GRIN2A: variants seen among roughly 807,000 people sequenced by gnomAD.
The protein encoded by GRIN2A is glutamate ionotropic receptor NMDA type subunit 2A, also known as glutamate receptor ionotropic, NMDA 2A.
A neutral mutation model predicts 113.4 loss-of-function variants in GRIN2A; 22 were observed. That is an observed-to-expected ratio of 0.19 (90% confidence interval 0.14 to 0.28). The LOEUF is 0.28. Among genes scored for constraint, GRIN2A ranks in the 10% least tolerant of loss-of-function variants. The pLI is 1.00. For missense variants in GRIN2A, 1,502 were observed against 1,887.0 expected (o/e 0.80, Z 3.78); for synonymous variants, 827 against 738.4 (o/e 1.12, Z -1.94).
At chr16:9,829,351 G>C (rs2042445111) in intron 9 of GRIN2A, 72 bp downstream of exon 9, 1 of 950,546 alleles carries the variant, frequency 1.1e-6, no homozygotes. Context: ...AGAGGCACCT[G>C]AATCTCTTCC....
At chr16:10,039,468 T>C (rs2047100895) in intron 2 of GRIN2A, among the ~76,000 whole-genome samples, 1 of 152,118 alleles carries the variant, frequency 6.6e-6, no homozygotes, top group Admixed American at 6.5e-5. Flanking sequence ...GAGTTGTTTG[T>C]TTGAAAATCG....
intron 10 of GRIN2A, among the ~76,000 whole-genome samples, chr16:9,809,240 T>G (rs1415025297): frequency 1.3e-5 from 2 of 151,996 alleles, no homozygotes; most frequent in African/African-American, 4.8e-5. Flanking sequence ...GGCAACATGG[T>G]GAAACCCCAT....
intron 2 of GRIN2A, among the ~76,000 whole-genome samples, chr16:9,952,548 T>A (rs1280019536): frequency 6.6e-6 from 1 of 152,084 alleles, no homozygotes; most frequent in Non-Finnish European, 1.5e-5. Flanking sequence ...TGGCTCACAA[T>A]GAGAAATACC....
At chr16:9,937,573 T>C (rs140781311) in intron 3 of GRIN2A, 261 of 241,822 alleles carry the variant, frequency 1.1e-3, no homozygotes, top group African/African-American at 5.4e-3. Flanking sequence ...TAAATCATGA[T>C]ACCATGATAT....
intron 3 of GRIN2A, among the ~76,000 whole-genome samples, chr16:9,937,169 G>A (rs574889293): frequency 1.3e-5 from 2 of 152,126 alleles, no homozygotes. Context: ...AACATTGTAT[G>A]CCTGTACCAA....
At chr16:10,111,350 G>A (rs1287859809) in intron 2 of GRIN2A, 2 of 419,808 alleles carry the variant, frequency 4.8e-6, no homozygotes, top group East Asian at 1.1e-4. Flanking sequence ...GGCCGCGCGG[G>A]TGTTTGTCGC....
At chr16:9,800,780 C>T (rs1435523491) in intron 10 of GRIN2A, among the ~76,000 whole-genome samples, 4 of 152,138 alleles carry the variant, frequency 2.6e-5, no homozygotes, top group South Asian at 4.2e-4. Flanking sequence ...TTGGCAACAG[C>T]GATGGTAACC....
chr16:10,013,885 T>C (rs1473837125), intron 2 of GRIN2A, among the ~76,000 whole-genome samples: 1 of 152,208 alleles, frequency 6.6e-6, no homozygotes, highest in East Asian at 1.9e-4. Context: ...TGATTCAGCT[T>C]CTACTCATGC....
At chr16:9,820,018 A>C (rs1206962805) in intron 10 of GRIN2A, among the ~76,000 whole-genome samples, 3 of 150,578 alleles carry the variant, frequency 2.0e-5, no homozygotes, top group Admixed American at 2.0e-4. Flanking sequence ...CACATGGGAG[A>C]TTGAGTATAG....
intron 2 of GRIN2A, among the ~76,000 whole-genome samples, chr16:10,063,335 C>T (rs1006759092): frequency 7.2e-5 from 11 of 152,284 alleles, no homozygotes; most frequent in African/African-American, 1.7e-4. Flanking sequence ...AACAACCCAG[C>T]ACATGTATCC....
rs149998386 is a variant in GRIN2A at position 10,155,081 on chromosome 16, C to A, written c.414+24917G>T. The stretch of plus-strand genomic sequence containing the variant: ...TATCTGAGGATCCCATGATGTACAG[C>A]ATCTCTTAAATTTATTTTGGCTTAA... On this transcript the variant is annotated intron_variant, in intron 2 of 12. Coordinates refer to ENST00000330684, the MANE Select transcript of GRIN2A (RefSeq NM_001134407.3). Among the ~76,000 whole-genome samples, 840 of 152,294 alleles carry A rather than the reference C, an allele frequency of 5.5e-3. 4 individuals carry two copies. The highest frequency in any genetic ancestry group is 0.02 in the Middle Eastern group (6 of 294).
chr16:10,050,792 G>C (rs2047345911), intron 2 of GRIN2A, among the ~76,000 whole-genome samples: 1 of 152,060 alleles, frequency 6.6e-6, no homozygotes, highest in African/African-American at 2.4e-5. Flanking sequence ...AAAGATTGAG[G>C]ACCACTGCTG....
chr16:10,129,074 C>T (rs543236750), intron 2 of GRIN2A, among the ~76,000 whole-genome samples: 37 of 152,156 alleles, frequency 2.4e-4, no homozygotes, highest in Non-Finnish European at 2.6e-4. Flanking sequence ...GCACCTACTA[C>T]GTGCGTGACT....
At chr16:10,038,569 C>T (rs2047078897) in intron 2 of GRIN2A, among the ~76,000 whole-genome samples, 1 of 151,984 alleles carries the variant, frequency 6.6e-6, no homozygotes, top group Non-Finnish European at 1.5e-5. Context: ...GCCGGCCAGG[C>T]GCGGTGGCTC....
chr16:10,014,624 G>T (rs2046568686), intron 2 of GRIN2A, among the ~76,000 whole-genome samples: 1 of 152,208 alleles, frequency 6.6e-6, no homozygotes, highest in South Asian at 2.1e-4. Flanking sequence ...TATAAAGAAA[G>T]TTGGGTTCTG....
intron 4 of GRIN2A, among the ~76,000 whole-genome samples, chr16:9,859,599 C>G (rs1468170956): frequency 1.4e-5 from 2 of 146,274 alleles, no homozygotes; most frequent in East Asian, 4.0e-4. Context: ...AACACATATA[C>G]TCGAACCTCT....
At chr16:9,983,907 CT>C (rs925315587) in intron 2 of GRIN2A, among the ~76,000 whole-genome samples, 11 of 152,194 alleles carry the variant, frequency 7.2e-5, no homozygotes, top group African/African-American at 2.4e-4. Context: ...ATTTCCTTTC[CT>C]TTGAATATTT....
intron 2 of GRIN2A, among the ~76,000 whole-genome samples, chr16:10,081,239 T>A (rs1429368319): frequency 6.6e-6 from 1 of 152,072 alleles, no homozygotes; most frequent in Non-Finnish European, 1.5e-5. Context: ...TAGGATGGAG[T>A]GGGAGCTGAT....
chr16:10,114,361 G>T (rs7195732), intron 2 of GRIN2A, among the ~76,000 whole-genome samples: 48,431 of 151,946 alleles, frequency 0.32, 7,931 homozygotes, highest in East Asian at 0.4. Context: ...CCACCCAAGA[G>T]ATTATGTGCG....
Sources: allele counts gnomAD v4.1 joint callset (sites outside exome capture counted in the v4.1 genomes callset), GRCh38; gene constraint gnomAD v4.1.1; transcripts MANE v1.5; gene names NCBI Gene and HGNC (gene_info 2026-07-23, HGNC 2026-07-21).